Variants in SGCZ observed in about 807,000 individuals in gnomAD.
SGCZ encodes sarcoglycan zeta, also known as zeta-sarcoglycan.
A neutral mutation model predicts 41.3 loss-of-function variants in SGCZ; 40 were observed. The ratio of observed to expected loss-of-function variants is 0.97; its 90% confidence interval spans 0.75 to 1.26. SGCZ has a LOEUF of 1.26. Ranked by LOEUF, SGCZ falls within the 50% of genes most tolerant of loss-of-function variation. The probability of loss-of-function intolerance (pLI) is 0.00; values close to 1 mark genes in which losing one functional copy is unlikely to be tolerated. For synonymous variants in SGCZ, 206 were observed against 137.5 expected, an observed-to-expected ratio of 1.50 and a Z score of -3.49; for missense variants, 552 against 369.8, an observed-to-expected ratio of 1.49 and a Z score of -4.04.
chr8:15,028,391 G>A (rs988047763), intron 1 of SGCZ, among the ~76,000 whole-genome samples: 9 of 151,192 alleles, frequency 6.0e-5, no homozygotes, highest in East Asian at 1.9e-4. Flanking sequence ...GAACACTATC[G>A]TCTTTCTAAG....
chr8:14,090,702 C>T, intron 7 of SGCZ, 65 bp from the exon 8 acceptor site: 1 of 1,370,908 alleles, frequency 7.3e-7, no homozygotes, highest in Non-Finnish European at 1.0e-6. Flanking sequence ...AATCTACATC[C>T]CTCCTCAACA....
At chr8:14,119,321 G>A (rs781321074) in intron 5 of SGCZ, among the ~76,000 whole-genome samples, 13 of 151,982 alleles carry the variant, frequency 8.6e-5, no homozygotes, top group Non-Finnish European at 1.6e-4. Context: ...TATCTTTATA[G>A]CAATTGTGAA....
chr8:14,878,057 T>A (rs1033749872), intron 1 of SGCZ, among the ~76,000 whole-genome samples: 32 of 152,186 alleles, frequency 2.1e-4, no homozygotes, highest in African/African-American at 6.7e-4. Flanking sequence ...ATGTTCCCTG[T>A]CCTAAGTGGA....
intron 2 of SGCZ, among the ~76,000 whole-genome samples, chr8:14,346,668 C>A (rs1399848266): frequency 2.0e-5 from 3 of 151,826 alleles, no homozygotes; most frequent in Non-Finnish European, 4.4e-5. Context: ...CAAAATAAAA[C>A]TGAAGCTGTT....
intron 3 of SGCZ, among the ~76,000 whole-genome samples, chr8:14,280,167 A>G (rs908219343): frequency 1.3e-5 from 2 of 151,998 alleles, no homozygotes; most frequent in African/African-American, 4.8e-5. Flanking sequence ...ATCACTGTCA[A>G]TTATAATGAC....
chr8:14,695,898 T>C (rs948709687), intron 1 of SGCZ, among the ~76,000 whole-genome samples: 10 of 152,184 alleles, frequency 6.6e-5, no homozygotes, highest in Non-Finnish European at 1.2e-4. Flanking sequence ...CTGAGGGTCA[T>C]AAGTACTTCA....
chr8:14,260,890 T>C (rs527471790), intron 3 of SGCZ, among the ~76,000 whole-genome samples: 5 of 152,166 alleles, frequency 3.3e-5, no homozygotes, highest in African/African-American at 1.2e-4. Context: ...AGGTGGGAAT[T>C]GAACAATGAG....
In SGCZ at chr8:14,687,700, G is replaced by GAC. The variant is rs1469982860; in HGVS notation, c.40-132775_40-132774insGT. On this transcript the variant is annotated intron_variant, in intron 1 of 7. Coordinates refer to ENST00000382080, the MANE Select transcript of SGCZ (RefSeq NM_139167.4). ...AGCAGCATGATTTATAGTCCTTTGG[G>GAC]TATATACCCAGTAATGAGATGGCTG... Among the ~76,000 whole-genome samples, 4 of 151,550 alleles carry GAC rather than the reference G, an allele frequency of 2.6e-5. No individual in the cohort carries two copies. The East Asian group carries it at 7.7e-4, about 29-fold the overall frequency.
intron 4 of SGCZ, among the ~76,000 whole-genome samples, chr8:14,193,770 C>T (rs1159079383): frequency 6.6e-6 from 1 of 151,568 alleles, no homozygotes; most frequent in Non-Finnish European, 1.5e-5. Flanking sequence ...AGCTTGTCAC[C>T]CTTGTCCAGT....
At chr8:14,609,758 A>G (rs886601872) in intron 1 of SGCZ, among the ~76,000 whole-genome samples, 1 of 152,178 alleles carries the variant, frequency 6.6e-6, no homozygotes, top group Non-Finnish European at 1.5e-5. Context: ...GCTTTCTAAA[A>G]GAGCAGTGGT....
At chr8:14,886,726 T>G (rs1396961486) in intron 1 of SGCZ, among the ~76,000 whole-genome samples, 1 of 152,176 alleles carries the variant, frequency 6.6e-6, no homozygotes, top group African/African-American at 2.4e-5. Context: ...CTTGGCTTGT[T>G]CTACTCTAAA....
At chr8:14,336,669 A>G (rs567626274) in intron 2 of SGCZ, among the ~76,000 whole-genome samples, 1 of 152,178 alleles carries the variant, frequency 6.6e-6, no homozygotes, top group Admixed American at 6.6e-5. Context: ...GTGGTTTACA[A>G]CCAGAGTTTT....
chr8:14,818,117 C>A (rs894055766), intron 1 of SGCZ, among the ~76,000 whole-genome samples: 4 of 152,132 alleles, frequency 2.6e-5, no homozygotes, highest in Non-Finnish European at 2.9e-5. Flanking sequence ...CTTGCAGTGA[C>A]CCCAACTCCC....
chr8:14,787,263 G>A (rs532317029), intron 1 of SGCZ, among the ~76,000 whole-genome samples: 1 of 152,158 alleles, frequency 6.6e-6, no homozygotes, highest in African/African-American at 2.4e-5. Flanking sequence ...ATGAAATTCA[G>A]GTGTATCCTC....
intron 3 of SGCZ, among the ~76,000 whole-genome samples, chr8:14,240,421 T>C (rs1330400561): frequency 6.6e-6 from 1 of 151,894 alleles, no homozygotes; most frequent in Non-Finnish European, 1.5e-5. Context: ...CTCCTTTTAC[T>C]CTAACCGCAG....
At chr8:14,598,281 A>G (rs1044494660) in intron 1 of SGCZ, among the ~76,000 whole-genome samples, 8 of 151,792 alleles carry the variant, frequency 5.3e-5, no homozygotes, top group Admixed American at 6.6e-5. Context: ...CAATCTAATT[A>G]TATTTGAATT....
intron 4 of SGCZ, among the ~76,000 whole-genome samples, chr8:14,178,947 G>A (rs893619728): frequency 6.6e-6 from 1 of 152,176 alleles, no homozygotes; most frequent in African/African-American, 2.4e-5. Flanking sequence ...CCCATTAATG[G>A]GAAATCAGTT....
chr8:14,714,141 G>T (rs1166587220), intron 1 of SGCZ, among the ~76,000 whole-genome samples: 1 of 151,876 alleles, frequency 6.6e-6, no homozygotes, highest in Non-Finnish European at 1.5e-5. Flanking sequence ...CTAATTTTTT[G>T]TATCTTTAGT....
chr8:14,100,711 G>GT (rs1255721945), intron 7 of SGCZ, among the ~76,000 whole-genome samples: 1 of 150,744 alleles, frequency 6.6e-6, no homozygotes, highest in African/African-American at 2.4e-5. Flanking sequence ...CAGTAAATCT[G>GT]TTTTTAAAAA....
Sources: gnomAD v4.1 joint callset for allele counts (sites outside exome capture counted in the v4.1 genomes callset) on GRCh38, gnomAD v4.1.1 for gene constraint, MANE v1.5 for transcripts, NCBI Gene and HGNC (gene_info 2026-07-23, HGNC 2026-07-21) for gene names.